The following MCOLN3 variants were observed in gnomAD, a reference collection of about 807,000 sequenced individuals.
MCOLN3 encodes mucolipin TRP cation channel 3.
MCOLN3 carries 62 observed loss-of-function variants against 69.4 expected under a neutral mutation model. The ratio of observed to expected loss-of-function variants is 0.89; its 90% CI spans 0.73 to 1.10. MCOLN3 has a LOEUF of 1.10. Among genes scored for constraint, MCOLN3 ranks in the 50% least tolerant of loss-of-function variants. MCOLN3 has a pLI of 0.00. For synonymous variants in MCOLN3, 183 were observed against 217.0 expected, an observed-to-expected ratio of 0.84 and a Z score of 1.38; for missense variants, 564 against 656.4, an observed-to-expected ratio of 0.86 and a Z score of 1.54.
chr1:85,048,255 C>T (rs1653491913), intron 1 of MCOLN3, 141 bp downstream of exon 1: 1 of 152,262 alleles, frequency 6.6e-6, no homozygotes, highest in Non-Finnish European at 1.5e-5. Context: ...GCCTGCCCTC[C>T]ATGGCGCCGA....
In MCOLN3 at chr1:85,041,035, T is replaced by C. The variant is rs767551990; in HGVS notation, c.371A>G (p.Asp124Gly). The stretch of plus-strand genomic sequence containing the variant: ...CTGGTTTACTGCGAAGATTAACTGA[T>C]CATACACGTCACTTTGTGTGTACAC... ...YAVYTQSDVY[D>G]QLIFAVNQYL... The change falls in exon 3 of 13, where the codon GAT becomes GGT. Residue 124 changes from aspartate (D) to glycine (G), a missense_variant. Asp to Gly is a moderately conservative substitution (Grantham distance 94). Coordinates refer to ENST00000370589, the MANE Select transcript of MCOLN3 (RefSeq NM_018298.11). 22 of 1,613,702 alleles carry C rather than the reference T, an allele frequency of 1.4e-5. No homozygotes were observed. The highest frequency in any genetic ancestry group is 1.7e-5 in the Non-Finnish European group (20 of 1,179,906).
chr1:85,036,312 C>T (rs1324831788), intron 3 of MCOLN3, among the ~76,000 whole-genome samples: 1 of 152,162 alleles, frequency 6.6e-6, no homozygotes, highest in Non-Finnish European at 1.5e-5. Context: ...CTGCCTCAGC[C>T]TCCTGAGTAG....
intron 4 of MCOLN3, among the ~76,000 whole-genome samples, chr1:85,033,607 A>T (rs1326933346): frequency 6.6e-6 from 1 of 152,206 alleles, no homozygotes; most frequent in East Asian, 1.9e-4. Flanking sequence ...TCTGATTTTC[A>T]TTCCTCCCCT....
At chr1:85,045,049 G>A in intron 2 of MCOLN3, 84 bp downstream of exon 2, 1 of 1,054,126 alleles carries the variant, frequency 9.5e-7, no homozygotes, top group Non-Finnish European at 1.4e-6. Flanking sequence ...ATAGTTAAAA[G>A]TTATTTAAAA....
intron 7 of MCOLN3, among the ~76,000 whole-genome samples, chr1:85,027,681 C>T (rs1333213851): frequency 6.6e-6 from 1 of 152,142 alleles, no homozygotes; most frequent in African/African-American, 2.4e-5. Flanking sequence ...AATGTGGAAG[C>T]AGAGAGGTTG....
chr1:85,046,695 G>A (rs946970577), intron 1 of MCOLN3, among the ~76,000 whole-genome samples: 1 of 152,094 alleles, frequency 6.6e-6, no homozygotes, highest in East Asian at 1.9e-4. Context: ...CAACATCTCC[G>A]AACAATAGAT....
At position 85,025,238 on chromosome 1, in the gene MCOLN3, T is replaced by C. The variant is rs75064583; in HGVS notation, c.1095+701A>G. On this transcript the variant is annotated intron_variant, in intron 9 of 12. Coordinates refer to ENST00000370589, the MANE Select transcript of MCOLN3 (RefSeq NM_018298.11). ...AAGACAGAAATAAGCTCCTATCTTC[T>C]CTGAGCCATTGCATTTGGGGTCTCT... 1,394 of 152,310 alleles carry C rather than the reference T, an allele frequency of 9.2e-3. 23 individuals carry two copies. Among genetic ancestry groups the C allele is most frequent in the African/African-American group, 0.032 (1,326 of 41,554 alleles). 9.4% of individuals were successfully genotyped at this position (152,310 alleles called of 1,614,324 possible).
intron 3 of MCOLN3, among the ~76,000 whole-genome samples, chr1:85,035,895 C>A (rs1172415695): frequency 6.6e-6 from 1 of 152,194 alleles, no homozygotes; most frequent in East Asian, 1.9e-4. Flanking sequence ...TTTTACTGTT[C>A]TTCCTATCTG....
Position 85,031,131 on chromosome 1 carries a change from C to T in MCOLN3, c.732+1565G>A, listed in dbSNP as rs148538193. Among the ~76,000 whole-genome samples, 328 of 151,960 alleles carry T rather than the reference C, an allele frequency of 2.2e-3. 1 individual carries two copies. Among genetic ancestry groups the T allele is most frequent in the Middle Eastern group, 0.014 (4 of 294 alleles). ...ACTAAAAATACAAAAACTAGCTGGG[C>T]GTGGTAACGTGTGCCTGTAGTCCCA... On this transcript the variant is annotated intron_variant, in intron 6 of 12. Coordinates refer to ENST00000370589, the MANE Select transcript of MCOLN3 (RefSeq NM_018298.11).
chr1:85,026,819 A>G (rs1030506664), intron 7 of MCOLN3, among the ~76,000 whole-genome samples: 2 of 150,636 alleles, frequency 1.3e-5, no homozygotes, highest in African/African-American at 4.9e-5. Context: ...ATAAGCCTGT[A>G]GTCTTTTGTT....
chr1:85,020,682 TC>T (rs1651881566), intron 12 of MCOLN3, among the ~76,000 whole-genome samples: 1 of 152,364 alleles, frequency 6.6e-6, no homozygotes, highest in Admixed American at 6.5e-5. Flanking sequence ...GGTCAATTTT[TC>T]TTTATGAAAA....
At chr1:85,045,990 C>A (rs1224323303) in intron 1 of MCOLN3, among the ~76,000 whole-genome samples, 2 of 151,550 alleles carry the variant, frequency 1.3e-5, no homozygotes, top group Non-Finnish European at 2.9e-5. Context: ...CTACACCTAC[C>A]CTTCTATGAT....
intron 2 of MCOLN3, among the ~76,000 whole-genome samples, chr1:85,043,314 G>C (rs936049532): frequency 5.3e-5 from 8 of 152,120 alleles, no homozygotes; most frequent in African/African-American, 1.9e-4. Context: ...TGGATCACCT[G>C]AGGTCAGAAG....
rs913583457 is a variant in MCOLN3, at chr1:85,045,470, G to A, written c.-2-108C>T. The A allele has an allele frequency of 3.8e-5, 32 of 832,124 alleles. 1 individual carries two copies. Among genetic ancestry groups the A allele is most frequent in the Non-Finnish European group, 5.6e-5 (31 of 552,456 alleles). The allele number at this position is 832,124 out of a possible 1,614,324, so 51.5% of individuals were successfully genotyped here. On this transcript the variant is annotated intron_variant, in intron 1 of 12. Coordinates refer to ENST00000370589, the MANE Select transcript of MCOLN3 (RefSeq NM_018298.11). ...AAGGAGAAGCCCATACAGAAGTCCT[G>A]GTTTCAAATAAGCACCATTGCTCTA...
At chr1:85,019,966 C>G (rs1440317950) in intron 12 of MCOLN3, among the ~76,000 whole-genome samples, 1 of 152,100 alleles carries the variant, frequency 6.6e-6, no homozygotes, top group Non-Finnish European at 1.5e-5. Flanking sequence ...TGCTCTGAGC[C>G]CACGGAAAGA....
At chr1:85,021,858 T>C (rs17119384) in intron 11 of MCOLN3, among the ~76,000 whole-genome samples, 2,092 of 152,268 alleles carry the variant, frequency 0.014, 32 homozygotes, top group Admixed American at 0.044. Flanking sequence ...ACCTGATATA[T>C]TGCAAGAAAG....
intron 12 of MCOLN3, 76 bp downstream of exon 12, chr1:85,020,994 C>T: frequency 2.9e-6 from 3 of 1,046,440 alleles, no homozygotes; most frequent in East Asian, 2.6e-5. Flanking sequence ...TTTCTTCTAC[C>T]ATTAGGTACT....
chr1:85,025,698 T>C, intron 9 of MCOLN3: 3 of 459,728 alleles, frequency 6.5e-6, no homozygotes, highest in South Asian at 2.4e-5. Context: ...AGGTCTAACA[T>C]GGTACACTTT....
chr1:85,034,000 T>C, intron 4 of MCOLN3, 98 bp downstream of exon 4: 1 of 1,315,790 alleles, frequency 7.6e-7, no homozygotes, highest in Non-Finnish European at 1.1e-6. Flanking sequence ...TGTCCTAATA[T>C]CACAGACCAA....
Sources: allele counts gnomAD v4.1 joint callset (sites outside exome capture counted in the v4.1 genomes callset), GRCh38; gene constraint gnomAD v4.1.1; transcripts MANE v1.5; gene names NCBI Gene and HGNC (gene_info 2026-07-23, HGNC 2026-07-21).